The following MXRA7 variants were observed in gnomAD, a reference collection of about 807,000 sequenced individuals.
MXRA7 encodes the protein matrix-remodeling-associated protein 7.
MXRA7 carries 18 observed loss-of-function variants against 17.4 expected under a neutral mutation model. The observed-to-expected ratio is 1.03, with a 90% confidence interval of 0.71 to 1.53. The LOEUF (loss-of-function observed/expected upper bound fraction) is 1.53. Ranked by LOEUF, MXRA7 falls within the 40% of genes most tolerant of loss-of-function variation. The pLI, the probability that MXRA7 is intolerant of heterozygous loss-of-function variation, is 0.00. For synonymous variants in MXRA7, 70 were observed against 101.7 expected (o/e 0.69, Z 1.87); for missense variants, 141 against 209.3 (o/e 0.67, Z 2.01).
At chr17:76,694,583 AATTATT>A (rs924202370) in intron 1 of MXRA7, among the ~76,000 whole-genome samples, 1 of 152,030 alleles carries the variant, frequency 6.6e-6, no homozygotes, top group African/African-American at 2.4e-5. Context: ...AATGAATTCC[AATTATT>A]ATTATTGTTA....
chr17:76,709,871 G>A (rs1414634755), intron 1 of MXRA7: 1 of 152,654 alleles, frequency 6.6e-6, no homozygotes, highest in African/African-American at 2.4e-5. Flanking sequence ...CGGGAGGCCT[G>A]GGGCAGAGGC....
At chr17:76,686,708 C>T (rs1401146033) in intron 2 of MXRA7, among the ~76,000 whole-genome samples, 1 of 152,182 alleles carries the variant, frequency 6.6e-6, no homozygotes, top group African/African-American at 2.4e-5. Flanking sequence ...TTTCTTCCTC[C>T]AGTCTCCTGT....
intron 1 of MXRA7, among the ~76,000 whole-genome samples, chr17:76,704,002 G>A (rs1364930430): frequency 1.3e-5 from 2 of 150,076 alleles, no homozygotes; most frequent in Non-Finnish European, 3.0e-5. Context: ...AGGAGGCTGA[G>A]GCAAGCAGAA....
At chr17:76,673,969 G>A (rs1664872974) in exon 4 of MXRA7, 1 of 152,320 alleles carries the variant, frequency 6.6e-6, no homozygotes, top group South Asian at 2.1e-4. Flanking sequence ...AGATACTGAT[G>A]AGTGACAGTC....
At chr17:76,686,119 T>C (rs8079290) in intron 2 of MXRA7, among the ~76,000 whole-genome samples, 51,592 of 152,028 alleles carry the variant, frequency 0.34, 9,023 homozygotes, top group Non-Finnish European at 0.38. Flanking sequence ...TAGGCTGATG[T>C]GGACCGATGG....
downstream of MXRA7, chr17:76,677,440 A>G (rs1281429284): frequency 9.9e-6 from 6 of 604,382 alleles, no homozygotes; most frequent in Non-Finnish European, 1.8e-5. Flanking sequence ...TACACACTGC[A>G]AGAACTCGGC....
intron 1 of MXRA7, among the ~76,000 whole-genome samples, chr17:76,706,197 G>GAGGCCCACGCTGCCATCACAA (rs1567990725): frequency 0.016 from 1,640 of 104,664 alleles, 208 homozygotes; most frequent in African/African-American, 0.089. Flanking sequence ...TGCCATCACA[G>GAGGCCCACGCTGCCATCACAA]AGGCCCACGC....
chr17:76,702,998 G>A (rs1000969520), intron 1 of MXRA7, among the ~76,000 whole-genome samples: 16 of 151,368 alleles, frequency 1.1e-4, no homozygotes, highest in African/African-American at 3.4e-4. Context: ...TGGGCTGGGG[G>A]CATTTTCTTC....
chr17:76,705,144 C>T (rs1436982052), intron 1 of MXRA7, among the ~76,000 whole-genome samples: 3 of 152,336 alleles, frequency 2.0e-5, no homozygotes, highest in South Asian at 2.1e-4. Context: ...AAAACATACT[C>T]CTTCTTGCTA....
chr17:76,701,446 C>A (rs1476788), intron 1 of MXRA7, among the ~76,000 whole-genome samples: 63,673 of 151,542 alleles, frequency 0.42, 13,887 homozygotes, highest in Middle Eastern at 0.51. Context: ...CTGAGGTGCA[C>A]GTAGACAACC....
intron 1 of MXRA7, among the ~76,000 whole-genome samples, chr17:76,699,373 T>A (rs2076568850): frequency 1.3e-5 from 2 of 152,082 alleles, no homozygotes; most frequent in African/African-American, 4.8e-5. Context: ...CTCAAACTCC[T>A]GGGGTCAAGC....
Position 76,688,014 on chromosome 17 carries a change from C to T in MXRA7, c.406+99G>A, listed in dbSNP as rs1222067174. The stretch of plus-strand genomic sequence containing the variant: ...CAGGCCACTGTCCCACCCCATCCCT[C>T]CCCTCGGCACTCGAACCCCAGCTCC... On this transcript the variant is annotated intron_variant, in intron 2 of 3. Coordinates refer to ENST00000449428, the MANE Select transcript of MXRA7 (RefSeq NM_198530.4). 7 of 877,192 alleles carry T rather than the reference C, an allele frequency of 8.0e-6. No individual in the cohort carries two copies. In the East Asian group the frequency reaches 1.3e-4, roughly 16 times the overall value. 54.3% of individuals were successfully genotyped at this position (877,192 alleles called of 1,614,324 possible). A position where few individuals can be genotyped will look rare whatever the true frequency, so the allele number is the denominator to read the frequency against.
chr17:76,696,802 T>C (rs16969213), intron 1 of MXRA7, among the ~76,000 whole-genome samples: 1,869 of 152,152 alleles, frequency 0.012, 40 homozygotes, highest in African/African-American at 0.043. Flanking sequence ...CTCTCCAGGG[T>C]CTCATGGTCT....
intron 1 of MXRA7, chr17:76,688,617 G>T: frequency 8.0e-7 from 1 of 1,246,614 alleles, no homozygotes; most frequent in Non-Finnish European, 1.0e-6. Context: ...CTTCTATGTT[G>T]TTTTCCATCC....
At chr17:76,678,539 G>A (rs562811469), downstream of MXRA7, among the ~76,000 whole-genome samples, 3 of 152,060 alleles carry the variant, frequency 2.0e-5, no homozygotes, top group South Asian at 2.1e-4. Flanking sequence ...CAGCCCAGCC[G>A]GGCACTGCAT....
intron 1 of MXRA7, among the ~76,000 whole-genome samples, chr17:76,702,226 G>C (rs1051053942): frequency 6.6e-6 from 1 of 152,200 alleles, no homozygotes; most frequent in Non-Finnish European, 1.5e-5. Context: ...GAAGATAAGG[G>C]CTGGGCACAG....
intron 3 of MXRA7, among the ~76,000 whole-genome samples, chr17:76,683,616 C>T (rs1049293441): frequency 6.6e-6 from 1 of 152,210 alleles, no homozygotes; most frequent in Non-Finnish European, 1.5e-5. Context: ...AGGCCCCCTC[C>T]AGGAACTCAG....
intron 2 of MXRA7, among the ~76,000 whole-genome samples, chr17:76,685,612 A>G (rs2143602220): frequency 6.6e-6 from 1 of 152,376 alleles, no homozygotes; most frequent in African/African-American, 2.4e-5. Flanking sequence ...GCATCCAGGC[A>G]GCCCACAGTG....
In MXRA7 at chr17:76,696,752, G is replaced by A. The variant is rs534236697; in HGVS notation, c.343-8576C>T. ...AAAGGCACCTGGCCTTCAGCTCAGCGTTGAATGAATCCGTGAAGGTGCGGC... is the reference window on the plus strand; with the variant it reads ...AAAGGCACCTGGCCTTCAGCTCAGCATTGAATGAATCCGTGAAGGTGCGGC... On this transcript the variant is annotated intron_variant, in intron 1 of 3. Transcript: ENST00000449428. Among the ~76,000 whole-genome samples the A allele has an allele frequency of 3.3e-4, 51 of 152,242 alleles. No homozygotes were observed. The South Asian group carries it at 8.5e-3, about 25-fold the overall frequency.
Sources: gnomAD v4.1 joint callset for allele counts (sites outside exome capture counted in the v4.1 genomes callset) on GRCh38, gnomAD v4.1.1 for gene constraint, MANE v1.5 for transcripts, NCBI Gene and HGNC (gene_info 2026-07-23, HGNC 2026-07-21) for gene names.